PDE4D: variants seen among roughly 807,000 people sequenced by gnomAD.
The protein encoded by PDE4D is phosphodiesterase 4D, also known as 3',5'-cyclic-AMP phosphodiesterase 4D.
A neutral mutation model predicts 87.4 loss-of-function variants in PDE4D; 24 were observed. The ratio of observed to expected loss-of-function variants is 0.27; its 90% confidence interval spans 0.20 to 0.39. PDE4D has a LOEUF of 0.39. Among genes scored for constraint, PDE4D ranks in the 10% least tolerant of loss-of-function variants. The pLI, the probability that PDE4D is intolerant of heterozygous loss-of-function variation, is 1.00. For missense variants in PDE4D, 714 were observed against 1,041.0 expected (o/e 0.69, Z 4.32); for synonymous variants, 384 against 383.2 (o/e 1.00, Z -0.02).
intron 1 of PDE4D, among the ~76,000 whole-genome samples, chr5:59,302,425 T>C (rs890547816): frequency 3.3e-5 from 5 of 152,176 alleles, no homozygotes; most frequent in African/African-American, 9.6e-5. Context: ...GTATATTTAG[T>C]TATATAAGTA....
intron 1 of PDE4D, among the ~76,000 whole-genome samples, chr5:60,466,993 T>C (rs544047775): frequency 6.6e-6 from 1 of 152,026 alleles, no homozygotes; most frequent in East Asian, 1.9e-4. Context: ...TACTTTATTT[T>C]AACAGATCTG....
At chr5:60,432,371 A>C (rs1311774816) in intron 1 of PDE4D, among the ~76,000 whole-genome samples, 2 of 152,116 alleles carry the variant, frequency 1.3e-5, no homozygotes, top group Non-Finnish European at 2.9e-5. Context: ...TTTGCTGTGA[A>C]TCTGTGTGGT....
intron 1 of PDE4D, among the ~76,000 whole-genome samples, chr5:59,464,191 C>T (rs1292007010): frequency 6.6e-6 from 1 of 152,180 alleles, no homozygotes; most frequent in Non-Finnish European, 1.5e-5. Flanking sequence ...GACCGTCCCC[C>T]AGCCCGACAC....
chr5:59,041,647 G>T (rs1160192625), intron 5 of PDE4D, among the ~76,000 whole-genome samples: 1 of 152,090 alleles, frequency 6.6e-6, no homozygotes, highest in Non-Finnish European at 1.5e-5. Context: ...CCCCTCTGAG[G>T]TTCGGCTTTC....
intron 1 of PDE4D, among the ~76,000 whole-genome samples, chr5:60,448,958 A>AAC (rs1428620236): frequency 1.3e-5 from 2 of 152,098 alleles, no homozygotes; most frequent in East Asian, 3.9e-4. Context: ...AAGCTGCCTG[A>AAC]ATAATTATTA....
intron 1 of PDE4D, among the ~76,000 whole-genome samples, chr5:60,467,933 G>A (rs1177951292): frequency 6.6e-6 from 1 of 152,034 alleles, no homozygotes; most frequent in Non-Finnish European, 1.5e-5. Flanking sequence ...CCTCCCACCA[G>A]GCTCCTCCTC....
Position 60,427,325 on chromosome 5 carries a change from C to T in PDE4D, c.-90+60617G>A, listed in dbSNP as rs77099357. Among the ~76,000 whole-genome samples, 388 of 152,232 alleles carry T rather than the reference C, an allele frequency of 2.5e-3. 2 individuals carry two copies. Among genetic ancestry groups the T allele is most frequent in the African/African-American group, 9.0e-3 (374 of 41,538 alleles). On this transcript the variant is annotated intron_variant, in intron 1 of 16. Transcript: ENST00000502484. ...GCATCCAGAGGAAAGACACACATTA[C>T]GTACAGTTGAACAAGGATAAGAATG...
At chr5:59,264,946 G>C (rs1415121912) in intron 1 of PDE4D, among the ~76,000 whole-genome samples, 1 of 151,958 alleles carries the variant, frequency 6.6e-6, no homozygotes, top group African/African-American at 2.4e-5. Context: ...GCACTGAGCT[G>C]GGATGGCGGG....
intron 1 of PDE4D, among the ~76,000 whole-genome samples, chr5:60,341,130 G>GT (rs112802232): frequency 0.17 from 25,488 of 151,732 alleles, 2,686 homozygotes; most frequent in African/African-American, 0.31. Context: ...AAAAATGTTT[G>GT]GTTTTTTTTT....
At chr5:59,718,206 T>A (rs1297033203) in intron 1 of PDE4D, among the ~76,000 whole-genome samples, 1 of 152,210 alleles carries the variant, frequency 6.6e-6, no homozygotes, top group Non-Finnish European at 1.5e-5. Flanking sequence ...TTGTTTCATT[T>A]CAGAGTAAGA....
In PDE4D at chr5:59,428,650, G is replaced by A. The variant is rs116098915; in HGVS notation, c.456-212682C>T. Among the ~76,000 whole-genome samples, 568 of 152,238 alleles carry A rather than the reference G, an allele frequency of 3.7e-3. 2 individuals carry two copies. The highest frequency in any genetic ancestry group is 5.0e-3 in the Non-Finnish European group (337 of 68,000). ...TTTCTCAACAGATTCAAAAGAAGTT[G>A]AGGTTTTAAAATTTACAACTTAAGA... is the stretch of plus-strand genomic sequence containing the variant. On this transcript the variant is annotated intron_variant, in intron 1 of 14. Coordinates refer to ENST00000340635, the MANE Select transcript of PDE4D (RefSeq NM_001104631.2).
chr5:59,327,581 A>G (rs1775952330), intron 1 of PDE4D, among the ~76,000 whole-genome samples: 1 of 152,186 alleles, frequency 6.6e-6, no homozygotes, highest in African/African-American at 2.4e-5. Context: ...GTATGCACTG[A>G]CTTAATGAGA....
At chr5:60,131,352 T>G (rs1027060175) in intron 2 of PDE4D, among the ~76,000 whole-genome samples, 34 of 152,168 alleles carry the variant, frequency 2.2e-4, no homozygotes, top group African/African-American at 8.0e-4. Flanking sequence ...GATTTATACC[T>G]TCCCTGTATC....
At chr5:59,411,191 G>GGAAT (rs1404820936) in intron 1 of PDE4D, among the ~76,000 whole-genome samples, 2 of 152,028 alleles carry the variant, frequency 1.3e-5, no homozygotes. Context: ...TTTGACAAAG[G>GGAAT]GAATGGTTTG....
intron 1 of PDE4D, among the ~76,000 whole-genome samples, chr5:59,372,331 C>T (rs2153598962): frequency 6.6e-6 from 1 of 152,246 alleles, no homozygotes; most frequent in African/African-American, 2.4e-5. Flanking sequence ...AGGATATAAA[C>T]TTTAAACTCT....
At chr5:59,999,499 C>T (rs1162639952) in intron 2 of PDE4D, among the ~76,000 whole-genome samples, 1 of 104,600 alleles carries the variant, frequency 9.6e-6, no homozygotes, top group African/African-American at 3.7e-5. Context: ...AGAACACACA[C>T]AAATTCAAAG....
intron 1 of PDE4D, among the ~76,000 whole-genome samples, chr5:59,845,108 G>A (rs774734100): frequency 2.0e-5 from 3 of 152,042 alleles, no homozygotes; most frequent in Non-Finnish European, 4.4e-5. Context: ...GCTTGAAAGA[G>A]GACCCTGAGC....
At chr5:60,043,059 G>A (rs1446332511) in intron 2 of PDE4D, among the ~76,000 whole-genome samples, 1 of 151,710 alleles carries the variant, frequency 6.6e-6, no homozygotes, top group African/African-American at 2.4e-5. Flanking sequence ...AAAAAGGTGA[G>A]AGGAATTGCT....
intron 5 of PDE4D, among the ~76,000 whole-genome samples, chr5:59,132,131 TA>T (rs1332245712): frequency 1.3e-5 from 2 of 152,194 alleles, no homozygotes; most frequent in Non-Finnish European, 2.9e-5. Context: ...AGAAATCAGT[TA>T]AAATGTAAAA....
Sources: allele counts gnomAD v4.1 joint callset (sites outside exome capture counted in the v4.1 genomes callset), GRCh38; gene constraint gnomAD v4.1.1; transcripts MANE v1.5; gene names NCBI Gene and HGNC (gene_info 2026-07-23, HGNC 2026-07-21).